MCM6: variants seen among roughly 807,000 people sequenced by gnomAD.
MCM6 encodes the protein minichromosome maintenance complex component 6.
Under a neutral mutation model 94.3 loss-of-function variants are expected in MCM6, and 46 were observed. The ratio of observed to expected loss-of-function variants is 0.49; its 90% confidence interval spans 0.39 to 0.62. The LOEUF is 0.62. Among genes scored for constraint, MCM6 ranks in the 20% least tolerant of loss-of-function variants. The pLI is 0.00. For missense variants in MCM6, 865 were observed against 1,017.9 expected, an observed-to-expected ratio of 0.85 and a Z score of 2.04; for synonymous variants, 335 against 351.9, an observed-to-expected ratio of 0.95 and a Z score of 0.54.
intron 4 of MCM6, among the ~76,000 whole-genome samples, chr2:135,867,853 C>G (rs967260947): frequency 2.0e-5 from 3 of 152,140 alleles, no homozygotes; most frequent in Non-Finnish European, 4.4e-5. Context: ...CGATGAAACC[C>G]TGTCTCTACT....
In MCM6 at chr2:135,840,673, A is replaced by AT. The variant is rs1679551568; in HGVS notation, c.*161dup. 2 of 584,024 alleles carry AT rather than the reference A, an allele frequency of 3.4e-6. No homozygotes were observed. Among genetic ancestry groups the AT allele is most frequent in the South Asian group, 4.1e-5 (2 of 48,606 alleles). 36.2% of individuals were successfully genotyped at this position (584,024 alleles called of 1,614,324 possible). A position where few individuals can be genotyped will look rare whatever the true frequency, so the allele number is the denominator to read the frequency against. ...TGTGTTGGTATGAAACCTGTGATGA[A>AT]TGTGACACATAGGACCATCAACTCA... On this transcript the variant is annotated 3_prime_UTR_variant, in exon 17 of 17. Coordinates refer to ENST00000264156, the MANE Select transcript of MCM6 (RefSeq NM_005915.6).
At chr2:135,858,127 G>T in intron 9 of MCM6, 123 bp from the exon 10 acceptor site, 1 of 824,582 alleles carries the variant, frequency 1.2e-6, no homozygotes, top group South Asian at 1.5e-5. Context: ...CCGGGCATTT[G>T]AGGTTACAGT....
intron 13 of MCM6, among the ~76,000 whole-genome samples, chr2:135,851,106 A>C (rs1679772494): frequency 6.6e-6 from 1 of 152,226 alleles, no homozygotes; most frequent in Non-Finnish European, 1.5e-5. Flanking sequence ...TTGCCAGCGC[A>C]GAGGCCTACT....
intron 12 of MCM6, 45 bp from the exon 13 acceptor site, chr2:135,851,608 T>C: frequency 6.5e-7 from 1 of 1,527,126 alleles, no homozygotes; most frequent in South Asian, 1.2e-5. Flanking sequence ...TTCTATTTGA[T>C]GAGAGCTACG....
intron 1 of MCM6, among the ~76,000 whole-genome samples, chr2:135,873,874 T>C (rs1382315744): frequency 6.6e-6 from 1 of 152,208 alleles, no homozygotes; most frequent in African/African-American, 2.4e-5. Flanking sequence ...AAAGGTGGCG[T>C]TGGAATTCAG....
At chr2:135,869,216 C>A (rs1344617090) in intron 3 of MCM6, among the ~76,000 whole-genome samples, 1 of 152,120 alleles carries the variant, frequency 6.6e-6, no homozygotes, top group Non-Finnish European at 1.5e-5. Flanking sequence ...TCCTGGCCAA[C>A]ATGGCGAAAC....
At chr2:135,870,121 AG>A (rs1291638975) in intron 3 of MCM6, 129 bp downstream of exon 3, 4 of 604,632 alleles carry the variant, frequency 6.6e-6, no homozygotes, top group Non-Finnish European at 1.2e-5. Flanking sequence ...GGGAGGTAAA[AG>A]TGATTTGTAT....
Position 135,844,721 on chromosome 2 carries a change from C to T in MCM6, c.2210-37G>A, listed in dbSNP as rs4988269. 11,262 of 1,498,822 alleles carry T rather than the reference C, an allele frequency of 7.5e-3. 717 individuals are homozygous for T. The African/African-American group carries it at 0.14, about 19-fold the overall frequency. 92.8% of individuals were successfully genotyped at this position (1,498,822 alleles called of 1,614,324 possible). ...AAACACATTCAAATTATCCTAGCAACTCGTACTGTCAGTCCTTGGGTAAAT... is the reference window on the plus strand; with the variant it reads ...AAACACATTCAAATTATCCTAGCAATTCGTACTGTCAGTCCTTGGGTAAAT... On this transcript the variant is annotated intron_variant, in intron 15 of 16. Coordinates refer to ENST00000264156, the MANE Select transcript of MCM6 (RefSeq NM_005915.6).
chr2:135,867,382 C>A (rs1364918659), intron 4 of MCM6, among the ~76,000 whole-genome samples: 4 of 152,012 alleles, frequency 2.6e-5, no homozygotes, highest in African/African-American at 9.7e-5. Flanking sequence ...CCCCCCCAAA[C>A]TAAGACCCAA....
intron 1 of MCM6, among the ~76,000 whole-genome samples, chr2:135,875,647 T>G (rs1680280715): frequency 6.2e-5 from 9 of 145,514 alleles, no homozygotes; most frequent in East Asian, 4.1e-4. Context: ...AAAAGAAGAG[T>G]AGAGAAAGGA....
intron 2 of MCM6, 56 bp downstream of exon 2, chr2:135,872,641 C>T: frequency 1.3e-6 from 2 of 1,559,540 alleles, no homozygotes; most frequent in Non-Finnish European, 1.8e-6. Flanking sequence ...CCAAGAAGAG[C>T]TGGCTTCCCG....
intron 10 of MCM6, 146 bp from the exon 11 acceptor site, chr2:135,857,029 T>A: frequency 2.9e-6 from 2 of 685,250 alleles, no homozygotes; most frequent in Non-Finnish European, 4.8e-6. Flanking sequence ...AACTCCTATG[T>A]GATTTTGGTG....
chr2:135,854,349 G>A (rs1679831727), intron 11 of MCM6, among the ~76,000 whole-genome samples: 1 of 152,030 alleles, frequency 6.6e-6, no homozygotes, highest in African/African-American at 2.4e-5. Flanking sequence ...GGCCAATAAA[G>A]TGAAACCCCG....
chr2:135,854,555 A>G (rs1328014698), intron 11 of MCM6, among the ~76,000 whole-genome samples: 2 of 82,212 alleles, frequency 2.4e-5, no homozygotes, highest in African/African-American at 6.0e-5. Flanking sequence ...AAAAAAAGAG[A>G]AAAAGAAAAA....
At chr2:135,850,768 T>C (rs1296788543) in intron 13 of MCM6, among the ~76,000 whole-genome samples, 1 of 152,158 alleles carries the variant, frequency 6.6e-6, no homozygotes, top group Admixed American at 6.5e-5. Flanking sequence ...CAAGGATGTA[T>C]GTGAAAAAAC....
chr2:135,860,156 A>G (rs1179479334), intron 8 of MCM6, among the ~76,000 whole-genome samples: 1 of 151,542 alleles, frequency 6.6e-6, no homozygotes, highest in African/African-American at 2.4e-5. Context: ...TTATTTAGAC[A>G]GAGTCTTGCT....
intron 12 of MCM6, 102 bp from the exon 13 acceptor site, chr2:135,851,665 C>T: frequency 1.0e-6 from 1 of 1,003,320 alleles, no homozygotes; most frequent in Non-Finnish European, 1.4e-6. Flanking sequence ...TTTAGGGAAC[C>T]TGAGAGGGTT....
rs763803471 is a variant in MCM6, at chr2:135,859,427, G to A, written c.1236C>T (p.Phe412=). Residue 412 remains phenylalanine, a synonymous_variant, in exon 9 of 17, where the codon TTC becomes TTT. Coordinates refer to ENST00000264156, the MANE Select transcript of MCM6 (RefSeq NM_005915.6). The stretch of plus-strand genomic sequence containing the variant: ...CACTGGTGTAGACAGCTCTGGGGCT[G>A]AACTCCTCCACGTGCCTGTTCAAGG... ...KSQFLKHVEE[F]SPRAVYTSGK... 1.2e-6 allele frequency: 2 copies of A among 1,611,168 alleles called. No homozygotes were observed. The highest frequency in any genetic ancestry group is 2.2e-5 in the East Asian group (1 of 44,870).
intron 8 of MCM6, 57 bp from the exon 9 acceptor site, chr2:135,859,499 C>T (rs1679948463): frequency 8.2e-7 from 1 of 1,226,888 alleles, no homozygotes; most frequent in African/African-American, 1.5e-5. Context: ...GCACCCTTCC[C>T]AGGAAAACCA....
Sources: allele counts gnomAD v4.1 joint callset (sites outside exome capture counted in the v4.1 genomes callset), GRCh38; gene constraint gnomAD v4.1.1; transcripts MANE v1.5; gene names NCBI Gene and HGNC (gene_info 2026-07-23, HGNC 2026-07-21).